ATRAID: variants seen among roughly 807,000 people sequenced by gnomAD.
The protein encoded by ATRAID is all-trans retinoic acid induced differentiation factor, also known as all-trans retinoic acid-induced differentiation factor.
In ATRAID, 26 loss-of-function variants were observed where a neutral mutation model predicts 28.8. The observed-to-expected ratio is 0.90, with a 90% confidence interval of 0.66 to 1.25. ATRAID has a LOEUF of 1.25. Among genes scored for constraint, ATRAID ranks in the 50% most tolerant of loss-of-function variants. The pLI is 0.00. For missense variants in ATRAID, 308 were observed against 285.9 expected (o/e 1.08, Z -0.56); for synonymous variants, 131 against 108.5 (o/e 1.21, Z -1.29).
At position 27,213,162 on chromosome 2, in the gene ATRAID, C is replaced by G. The variant is rs1232504661; in HGVS notation, c.100-15C>G. The G allele has an allele frequency of 1.9e-6, 3 of 1,605,070 alleles. No individual in the cohort carries two copies. Among genetic ancestry groups the G allele is most frequent in the Admixed American group, 1.7e-5 (1 of 59,378 alleles). On this transcript the variant is annotated splice_polypyrimidine_tract_variant and intron_variant, in intron 1 of 6. Transcript: ENST00000380171. ...TTTTCTTTCTGGAGTTCTAATGTTT[C>G]TTTCTCTTCTGCAGATATGCACCCA...
Position 27,212,406 on chromosome 2 carries a change from TGCCCTGGGCTGCCGCCCTGCTCCTC to T in ATRAID, c.41_65del (p.Pro14LeufsTer37), listed in dbSNP as rs780667170. 5.8e-6 allele frequency: 9 copies of T among 1,551,910 alleles called. No homozygotes were observed. The South Asian group carries it at 1.1e-4, about 18-fold the overall frequency. ...GACCCGGGTAGTCTTACGACCCTGG[TGCCCTGGGCTGCCGCCCTGCTCCTC>T]GCTCTGGGCGTGGAAAGGGCTCTGG... On this transcript the variant is annotated frameshift_variant, in exon 1 of 7. Coordinates refer to ENST00000380171, the MANE Select transcript of ATRAID (RefSeq NM_001170795.4). LOFTEE classifies it high-confidence loss of function.
In ATRAID at chr2:27,212,092, T is replaced by C; in HGVS notation, c.-277T>C. Reference sequence around the variant, plus strand: ...CGTCCGGACGCGGGGAACACCGGGCTGAGGGAGTCTGCAGTCGGCTCCGGG... The same window carrying C: ...CGTCCGGACGCGGGGAACACCGGGCCGAGGGAGTCTGCAGTCGGCTCCGGG... On this transcript the variant is annotated 5_prime_UTR_variant, in exon 1 of 7. Coordinates refer to ENST00000380171, the MANE Select transcript of ATRAID (RefSeq NM_001170795.4). 3 of 1,407,164 alleles carry C rather than the reference T, an allele frequency of 2.1e-6. No homozygotes were observed. The highest frequency in any genetic ancestry group is 2.8e-6 in the Non-Finnish European group (3 of 1,055,890). The allele number at this position is 1,407,164 out of a possible 1,614,324, so 87.2% of individuals were successfully genotyped here.
In ATRAID at chr2:27,212,384, C is replaced by T. The variant is rs752042458; in HGVS notation, c.16C>T (p.Pro6Ser). 1.9e-6 allele frequency: 3 copies of T among 1,550,664 alleles called. No homozygotes were observed. The South Asian group carries it at 3.6e-5, about 18-fold the overall frequency. Residue 6 changes from proline (P) to serine (S), a missense_variant, in exon 1 of 7, where the codon CCG (proline) becomes TCG (serine). Pro to Ser is a moderately conservative substitution (Grantham distance 74, BLOSUM62 -1). Coordinates refer to ENST00000380171, the MANE Select transcript of ATRAID (RefSeq NM_001170795.4). The stretch of plus-strand genomic sequence containing the variant: ...GGAACGGAAAATGGCGCCTCACGAC[C>T]CGGGTAGTCTTACGACCCTGGTGCC... MAPHD[P>S]GSLTTLVPWA... is the part of the protein sequence containing the mutation.
At position 27,215,719 on chromosome 2, in the gene ATRAID, G is replaced by A; in HGVS notation, c.453G>A (p.Gly151=). The A allele has an allele frequency of 1.2e-6, 2 of 1,614,186 alleles. No homozygotes were observed. The highest frequency in any genetic ancestry group is 1.7e-6 in the Non-Finnish European group (2 of 1,180,036). Residue 151 remains glycine (G), a synonymous_variant, in exon 5 of 7, where the codon GGG becomes GGA. Coordinates refer to ENST00000380171, the MANE Select transcript of ATRAID (RefSeq NM_001170795.4). The part of the protein sequence containing the change: ...TSYIDNQICQ[G]QKNLCNNTGD... The stretch of plus-strand genomic sequence containing the variant: ...ATATAGACAACCAAATCTGTCAAGG[G>A]CAAAAGAACCTTTGCAATAACACTG...
At chr2:27,212,514 G>A (rs1346193942) in intron 1 of ATRAID, 47 bp downstream of exon 1, 1 of 1,512,940 alleles carries the variant, frequency 6.6e-7, no homozygotes, top group South Asian at 1.3e-5. Context: ...TCGCTGGCCA[G>A]CCGTGCGTCG....
At chr2:27,214,339 A>G (rs1343372623) in intron 2 of ATRAID, among the ~76,000 whole-genome samples, 1 of 152,234 alleles carries the variant, frequency 6.6e-6, no homozygotes, top group Non-Finnish European at 1.5e-5. Context: ...ATAACGTGGC[A>G]TGATCCTTAA....
Position 27,215,403 on chromosome 2 carries a change from A to G in ATRAID, c.293+11A>G, listed in dbSNP as rs748602378. 1 of 1,614,168 alleles carries G rather than the reference A, an allele frequency of 6.2e-7. No individual in the cohort carries two copies. The highest frequency in any genetic ancestry group is 8.5e-7 in the Non-Finnish European group (1 of 1,179,984). On this transcript the variant is annotated intron_variant, in intron 3 of 6. Transcript: ENST00000380171. The stretch of plus-strand genomic sequence containing the variant: ...TACCACTGTCATCATGTAAGTAGTT[A>G]GGTACCTCCCACCCAAAAGGCTAAT...
chr2:27,217,098 T>G lies in ATRAID; in HGVS notation c.*150T>G. 1 of 619,586 alleles carries G rather than the reference T, an allele frequency of 1.6e-6. No homozygotes were observed. The highest frequency in any genetic ancestry group is 2.8e-6 in the Non-Finnish European group (1 of 358,660). 38.4% of individuals were successfully genotyped at this position (619,586 alleles called of 1,614,324 possible). ...AAGATGAAAAATTGCACTCCCTTGGTGTAGACAAATACCAGTTCCCATTGG... is the reference window on the plus strand; with the variant it reads ...AAGATGAAAAATTGCACTCCCTTGGGGTAGACAAATACCAGTTCCCATTGG... On this transcript the variant is annotated 3_prime_UTR_variant, in exon 7 of 7. Transcript: ENST00000380171.
chr2:27,214,431 T>G (rs1347681743), intron 2 of ATRAID, among the ~76,000 whole-genome samples: 3 of 152,052 alleles, frequency 2.0e-5, no homozygotes, highest in Non-Finnish European at 4.4e-5. Flanking sequence ...TTTTTTTAAT[T>G]TAAAGGCCCT....
chr2:27,215,609 G>C (rs371994511), intron 4 of ATRAID, 23 bp from the exon 5 acceptor site: 3 of 1,614,184 alleles, frequency 1.9e-6, no homozygotes, highest in South Asian at 2.2e-5. Flanking sequence ...AACTTTGCAT[G>C]TTATGACCAC....
intron 2 of ATRAID, 58 bp downstream of exon 2, chr2:27,213,356 T>TA (rs1044673066): frequency 1.3e-6 from 2 of 1,572,644 alleles, no homozygotes; most frequent in African/African-American, 2.7e-5. Context: ...CTGGCTGCTT[T>TA]TATACCCTTA....
chr2:27,217,050 C>T lies in ATRAID; in HGVS notation c.*102C>T. The T allele has an allele frequency of 1.3e-5, 14 of 1,057,714 alleles. No homozygotes were observed. The South Asian group carries it at 2.2e-4, about 17-fold the overall frequency. The allele number at this position is 1,057,714 out of a possible 1,614,324, so 65.5% of individuals were successfully genotyped here. On this transcript the variant is annotated 3_prime_UTR_variant, in exon 7 of 7. Coordinates refer to ENST00000380171, the MANE Select transcript of ATRAID (RefSeq NM_001170795.4). ...AGGCATCTTTCGCCAGTGGATTCGCCTCAAGGTTGAGGCCGCCATTGGAAG... is the reference window on the plus strand; with the variant it reads ...AGGCATCTTTCGCCAGTGGATTCGCTTCAAGGTTGAGGCCGCCATTGGAAG...
At chr2:27,215,852 CAG>C in intron 5 of ATRAID, 99 bp downstream of exon 5, 4 of 1,472,588 alleles carry the variant, frequency 2.7e-6, no homozygotes, top group Non-Finnish European at 3.7e-6. Flanking sequence ...GCCTTTCATT[CAG>C]AGTTCTGGGG....
Position 27,212,210 on chromosome 2 carries a change from A to G in ATRAID, c.-159A>G, listed in dbSNP as rs1674590135. ...CGAAAGAGGGCTAGGGCGCATGAAG[A>G]CCAGCGCAGAGCTCCACGAGCAGGA... On this transcript the variant is annotated 5_prime_UTR_variant, in exon 1 of 7. Transcript: ENST00000380171. The G allele has an allele frequency of 1.3e-6, 2 of 1,556,884 alleles. No individual in the cohort carries two copies. The highest frequency in any genetic ancestry group is 1.7e-6 in the Non-Finnish European group (2 of 1,150,818).
In ATRAID at chr2:27,212,499, C is replaced by T. The variant is rs773378990; in HGVS notation, c.99+32C>T. 5.8e-6 allele frequency: 9 copies of T among 1,543,928 alleles called. No homozygotes were observed. The African/African-American group carries it at 9.8e-5, about 17-fold the overall frequency. ...AAGCAAGTTTGAGGTCGGGCTGAAGCAGGGTCGCTGGCCAGCCGTGCGTCG... is the reference window on the plus strand; with the variant it reads ...AAGCAAGTTTGAGGTCGGGCTGAAGTAGGGTCGCTGGCCAGCCGTGCGTCG... On this transcript the variant is annotated intron_variant, in intron 1 of 6. Coordinates refer to ENST00000380171, the MANE Select transcript of ATRAID (RefSeq NM_001170795.4).
In ATRAID at chr2:27,215,487, A is replaced by G. The variant is rs1427417597; in HGVS notation, c.307A>G (p.Asn103Asp). ...TGTACTTTGCAGAGACCTGCAAGCA[A>G]ACCCCCTCAAAGGTGACTTGGCCAA... ...HTTVIIDLQA[N>D]PLKGDLANTF... The change falls in exon 4 of 7, where the codon AAC becomes GAC. Residue 103 changes from asparagine to aspartate, a missense_variant. Physicochemically the swap from Asn to Asp is conservative, Grantham distance 23. Transcript: ENST00000380171. 6.2e-6 allele frequency: 10 copies of G among 1,614,234 alleles called. No individual in the cohort carries two copies. The highest frequency in any genetic ancestry group is 1.1e-5 in the South Asian group (1 of 91,090).
intron 5 of ATRAID, chr2:27,216,278 C>A: frequency 2.0e-6 from 1 of 488,326 alleles, no homozygotes; most frequent in Non-Finnish European, 3.7e-6. Flanking sequence ...AGGCTATTTT[C>A]ATTTCTTTTG....
rs899119256 is a variant in ATRAID, at chr2:27,212,160, G to C, written c.-209G>C. On this transcript the variant is annotated 5_prime_UTR_variant, in exon 1 of 7. Coordinates refer to ENST00000380171, the MANE Select transcript of ATRAID (RefSeq NM_001170795.4). ...GGGAGGCCTTCACTAAAGGGGAAAAGGAAGAGGGGGTCGGCCAGTATCCCC... is the reference window on the plus strand; with the variant it reads ...GGGAGGCCTTCACTAAAGGGGAAAACGAAGAGGGGGTCGGCCAGTATCCCC... 1 of 1,535,496 alleles carries C rather than the reference G, an allele frequency of 6.5e-7. No individual in the cohort carries two copies. Among genetic ancestry groups the C allele is most frequent in the East Asian group, 2.5e-5 (1 of 39,852 alleles).
In ATRAID at chr2:27,217,008, AGCTCT is replaced by A. The variant is rs931993988; in HGVS notation, c.*64_*68del. The A allele has an allele frequency of 8.4e-6, 12 of 1,432,378 alleles. No individual in the cohort carries two copies. The African/African-American group carries it at 1.6e-4, about 19-fold the overall frequency. The allele number at this position is 1,432,378 out of a possible 1,614,324, so 88.7% of individuals were successfully genotyped here. A position where few individuals can be genotyped will look rare whatever the true frequency, so the allele number is the denominator to read the frequency against. ...CTGAACTATCTTAGCCCAGTCAGGG[AGCTCT>A]GCTTCCTAGAAAGGCATCTTTCGCC... is the stretch of plus-strand genomic sequence containing the variant. On this transcript the variant is annotated 3_prime_UTR_variant, in exon 7 of 7. Coordinates refer to ENST00000380171, the MANE Select transcript of ATRAID (RefSeq NM_001170795.4).
Sources: gnomAD v4.1 joint callset for allele counts (sites outside exome capture counted in the v4.1 genomes callset) on GRCh38, gnomAD v4.1.1 for gene constraint, MANE v1.5 for transcripts, NCBI Gene and HGNC (gene_info 2026-07-23, HGNC 2026-07-21) for gene names.